The following MARK2 variants were observed in gnomAD, a reference collection of about 807,000 sequenced individuals.
The protein encoded by MARK2 is serine/threonine-protein kinase MARK2.
A neutral mutation model predicts 89.8 loss-of-function variants in MARK2; 16 were observed. The observed-to-expected ratio is 0.18, with a 90% CI of 0.12 to 0.27. The LOEUF is 0.27. MARK2 is among the 10% of genes least tolerant of loss of function. MARK2 has a pLI of 1.00. For synonymous variants in MARK2, 382 were observed against 399.5 expected (o/e 0.96, Z 0.52); for missense variants, 621 against 1,049.9 (o/e 0.59, Z 5.65).
At chr11:63,872,293 A>G (rs1390168124) in intron 1 of MARK2, among the ~76,000 whole-genome samples, 2 of 152,190 alleles carry the variant, frequency 1.3e-5, no homozygotes, top group Non-Finnish European at 2.9e-5. Context: ...ACTAGATTGC[A>G]CAACACAGCC....
chr11:63,841,421 C>T (rs930976506), intron 1 of MARK2, among the ~76,000 whole-genome samples: 6 of 152,122 alleles, frequency 3.9e-5, no homozygotes, highest in Non-Finnish European at 7.3e-5. Context: ...CTGGGTTTGG[C>T]AGCTGGTTCT....
intron 3 of MARK2, among the ~76,000 whole-genome samples, chr11:63,896,381 G>A (rs187683224): frequency 9.0e-4 from 137 of 152,350 alleles, no homozygotes; most frequent in African/African-American, 3.1e-3. Context: ...AGGAAGCAGG[G>A]AACCTGCCGG....
At chr11:63,856,324 T>TG (rs1315591443) in intron 1 of MARK2, among the ~76,000 whole-genome samples, 2 of 149,424 alleles carry the variant, frequency 1.3e-5, no homozygotes, top group African/African-American at 4.9e-5. Context: ...TTTTTTTGTT[T>TG]TTTTTTTTTT....
intron 1 of MARK2, among the ~76,000 whole-genome samples, chr11:63,852,516 A>T (rs1333711633): frequency 6.6e-6 from 1 of 151,952 alleles, no homozygotes; most frequent in Non-Finnish European, 1.5e-5. Context: ...TATTTCTCTT[A>T]TATGTAAGGG....
chr11:63,861,705 TGTTTA>T (rs1010257843), intron 1 of MARK2, among the ~76,000 whole-genome samples: 3 of 151,748 alleles, frequency 2.0e-5, no homozygotes, highest in Non-Finnish European at 2.9e-5. Context: ...CGCAAGCACT[TGTTTA>T]GTTGTTTTAC....
chr11:63,893,762 G>A lies in MARK2; in HGVS notation c.55-1397G>A, dbSNP rs117717756. Among the ~76,000 whole-genome samples the A allele has an allele frequency of 4.1e-3, 621 of 152,226 alleles. 5 individuals are homozygous for A. The highest frequency in any genetic ancestry group is 7.7e-3 in the Non-Finnish European group (523 of 68,028). On this transcript the variant is annotated intron_variant, in intron 1 of 18. Coordinates refer to ENST00000402010, the MANE Select transcript of MARK2 (RefSeq NM_001039469.3). The stretch of plus-strand genomic sequence containing the variant: ...ATGCCACAAGTGGAAAATTCTACAC[G>A]TAACCCCATATGACAGGTTATAAGC...
At chr11:63,864,731 A>G (rs1407835244) in intron 1 of MARK2, among the ~76,000 whole-genome samples, 1 of 146,958 alleles carries the variant, frequency 6.8e-6, no homozygotes, top group Non-Finnish European at 1.5e-5. Flanking sequence ...TTAGGGCTGG[A>G]TGTAGTCGGT....
At chr11:63,846,839 G>C (rs1416077133) in intron 1 of MARK2, among the ~76,000 whole-genome samples, 1 of 151,994 alleles carries the variant, frequency 6.6e-6, no homozygotes, top group African/African-American at 2.4e-5. Context: ...TGTATTTTCA[G>C]TAGAGACGGG....
chr11:63,903,885 GCTCCCCAGCTCTGGCCCTTCCC>G lies in MARK2; in HGVS notation c.1515-98_1515-77del. On this transcript the variant is annotated intron_variant, in intron 14 of 18. Transcript: ENST00000402010. The surrounding 1 kb of genome is among the most constrained non-coding windows in gnomAD (Gnocchi z 5.1). The stretch of plus-strand genomic sequence containing the variant: ...CAGGCCTGACTTCTACCCTGCCAGA[GCTCCCCAGCTCTGGCCCTTCCC>G]CTGCCCTTGCTTCCTAATCCAGGCC... The G allele has an allele frequency of 1.0e-6, 1 of 969,174 alleles. No homozygotes were observed. Among genetic ancestry groups the G allele is most frequent in the Non-Finnish European group, 1.5e-6 (1 of 660,138 alleles). 60.0% of individuals were successfully genotyped at this position (969,174 alleles called of 1,614,324 possible).
At chr11:63,840,846 G>C (rs1381648867) in intron 1 of MARK2, among the ~76,000 whole-genome samples, 2 of 152,036 alleles carry the variant, frequency 1.3e-5, no homozygotes, top group African/African-American at 4.8e-5. Flanking sequence ...GACTCTACAC[G>C]GTCCCCCTCA....
At chr11:63,867,149 C>T (rs1938181602) in intron 1 of MARK2, among the ~76,000 whole-genome samples, 1 of 152,200 alleles carries the variant, frequency 6.6e-6, no homozygotes, top group African/African-American at 2.4e-5. Flanking sequence ...ACCTTAGCCT[C>T]CTGAGTAGCT....
Position 63,899,052 on chromosome 11 carries a change from A to C in MARK2, c.475A>C (p.Ile159Leu), listed in dbSNP as rs1163051177. The C allele has an allele frequency of 6.2e-7, 1 of 1,610,296 alleles. No individual in the cohort carries two copies. Residue 159 changes from isoleucine to leucine, a missense_variant and splice_region_variant, in exon 7 of 19, where the codon ATA (isoleucine) becomes CTA (leucine). By Grantham distance (5) the Ile-to-Leu change is conservative. This residue lies in a region of MARK2 where 82 missense variants were observed against 287.7 expected (regional missense o/e 0.29). Transcript: ENST00000402010. ...GTTAACCCTTCTTCCTTCCTTTCAGATAGTGTCTGCTGTGCAGTACTGTCA... is the reference window on the plus strand; with the variant it reads ...GTTAACCCTTCTTCCTTCCTTTCAGCTAGTGTCTGCTGTGCAGTACTGTCA... ...EKEARAKFRQ[I>L]VSAVQYCHQK...
At chr11:63,849,160 G>A (rs1273580782) in intron 1 of MARK2, among the ~76,000 whole-genome samples, 2 of 152,120 alleles carry the variant, frequency 1.3e-5, no homozygotes, top group Non-Finnish European at 2.9e-5. Context: ...GTCACACCTG[G>A]CCCCCTCAAC....
chr11:63,842,377 C>G (rs548074209), intron 1 of MARK2, among the ~76,000 whole-genome samples: 1 of 152,168 alleles, frequency 6.6e-6, no homozygotes, highest in African/African-American at 2.4e-5. Flanking sequence ...CCGCCACGCC[C>G]GGCTAATTTT....
At chr11:63,893,481 T>C (rs1421208321) in intron 1 of MARK2, among the ~76,000 whole-genome samples, 1 of 151,674 alleles carries the variant, frequency 6.6e-6, no homozygotes, top group African/African-American at 2.4e-5. Flanking sequence ...TTTCCACTTT[T>C]TGACTATTAT....
At chr11:63,846,816 C>T (rs188266092) in intron 1 of MARK2, among the ~76,000 whole-genome samples, 29 of 152,156 alleles carry the variant, frequency 1.9e-4, no homozygotes, top group Non-Finnish European at 2.4e-4. Flanking sequence ...CCACCACACC[C>T]GGCTAATTTT....
chr11:63,868,733 C>A (rs1318749924), intron 1 of MARK2: 1 of 455,428 alleles, frequency 2.2e-6, no homozygotes, highest in Non-Finnish European at 4.4e-6. Flanking sequence ...TTACAGTGGG[C>A]TCAGTCTTGC....
At chr11:63,885,177 A>G (rs1434640283) in intron 1 of MARK2, among the ~76,000 whole-genome samples, 1 of 152,032 alleles carries the variant, frequency 6.6e-6, no homozygotes, top group Non-Finnish European at 1.5e-5. Context: ...CGGGCAACAG[A>G]GCAAGACCCT....
intron 1 of MARK2, among the ~76,000 whole-genome samples, chr11:63,846,367 T>A (rs1046216611): frequency 6.6e-6 from 1 of 151,966 alleles, no homozygotes; most frequent in Non-Finnish European, 1.5e-5. Context: ...AAAAAAATTT[T>A]TTTTTTGAGA....
Sources: allele counts gnomAD v4.1 joint callset (sites outside exome capture counted in the v4.1 genomes callset), GRCh38; gene constraint gnomAD v4.1.1; regional missense constraint gnomAD v4.1.1; non-coding constraint Gnocchi (gnomAD v3.1); transcripts MANE v1.5; gene names NCBI Gene and HGNC (gene_info 2026-07-23, HGNC 2026-07-21).